Variants in PCDHA11 observed in about 807,000 individuals in gnomAD.
PCDHA11 encodes the protein protocadherin alpha-11.
Under a neutral mutation model 70.3 loss-of-function variants are expected in PCDHA11, and 61 were observed. The ratio of observed to expected loss-of-function variants is 0.87; its 90% CI spans 0.71 to 1.07. The LOEUF (loss-of-function observed/expected upper bound fraction) is 1.07. Ranked by LOEUF, PCDHA11 falls within the 50% of genes least tolerant of loss-of-function variation. The probability of loss-of-function intolerance (pLI) is 0.00; values close to 1 mark genes in which losing one functional copy is unlikely to be tolerated. For synonymous variants in PCDHA11, 633 were observed against 555.1 expected (o/e 1.14, Z -1.97); for missense variants, 1,324 against 1,237.5 (o/e 1.07, Z -1.05).
chr5:140,914,318 T>C (rs2076678777), intron 1 of PCDHA11, among the ~76,000 whole-genome samples: 6 of 152,216 alleles, frequency 3.9e-5, no homozygotes, highest in Admixed American at 3.9e-4. Flanking sequence ...CCCATTATCA[T>C]TGTACAAAGA....
intron 3 of PCDHA11, among the ~76,000 whole-genome samples, chr5:141,007,379 C>G (rs1178671835): frequency 7.1e-6 from 1 of 139,926 alleles, no homozygotes; most frequent in Non-Finnish European, 1.5e-5. Flanking sequence ...GATGGAACAC[C>G]ATCTCTACTA....
chr5:140,884,440 G>C (rs1554181563), intron 1 of PCDHA11: 5 of 1,613,830 alleles, frequency 3.1e-6, no homozygotes, highest in Non-Finnish European at 2.5e-6. Context: ...TGCGGTGCTC[G>C]GCACCGCCCA....
chr5:140,904,265 T>C (rs2070995327), intron 1 of PCDHA11, among the ~76,000 whole-genome samples: 1 of 152,118 alleles, frequency 6.6e-6, no homozygotes, highest in Non-Finnish European at 1.5e-5. Context: ...CTCCCACTTA[T>C]GAATGAGAAC....
chr5:140,876,079 G>C, intron 1 of PCDHA11: 1 of 1,613,940 alleles, frequency 6.2e-7, no homozygotes, highest in Non-Finnish European at 8.5e-7. Flanking sequence ...ATTGGACAGA[G>C]AGCAAACGCC....
At chr5:140,912,511 T>C (rs2075947919) in intron 1 of PCDHA11, among the ~76,000 whole-genome samples, 1 of 152,158 alleles carries the variant, frequency 6.6e-6, no homozygotes, top group Non-Finnish European at 1.5e-5. Context: ...TGGATGAATC[T>C]TTAGGGTTTT....
At chr5:140,960,112 T>C (rs145534809) in intron 1 of PCDHA11, among the ~76,000 whole-genome samples, 45 of 152,352 alleles carry the variant, frequency 3.0e-4, no homozygotes, top group Non-Finnish European at 4.3e-4. Flanking sequence ...GTGGGAACAA[T>C]AGTATTCCTT....
At chr5:140,928,240 C>G (rs1174659124) in intron 1 of PCDHA11, 1 of 1,614,108 alleles carries the variant, frequency 6.2e-7, no homozygotes, top group Non-Finnish European at 8.5e-7. Flanking sequence ...TCAACCCCAG[C>G]AGGAACTTTT....
chr5:140,954,271 A>G (rs1284942355), intron 1 of PCDHA11, among the ~76,000 whole-genome samples: 2 of 152,140 alleles, frequency 1.3e-5, no homozygotes, highest in South Asian at 2.1e-4. Context: ...TTATAATAGG[A>G]TGATTTATAT....
intron 1 of PCDHA11, among the ~76,000 whole-genome samples, chr5:140,951,752 G>A (rs246039): frequency 0.51 from 77,303 of 151,800 alleles, 20,616 homozygotes; most frequent in African/African-American, 0.68. Context: ...CTCACCCTCC[G>A]CGAAATCTCA....
At chr5:140,906,872 C>T (rs1421521976) in intron 1 of PCDHA11, among the ~76,000 whole-genome samples, 4 of 152,230 alleles carry the variant, frequency 2.6e-5, no homozygotes, top group African/African-American at 9.6e-5. Flanking sequence ...CCAGCCAACA[C>T]TGTAACTTCC....
intron 3 of PCDHA11, among the ~76,000 whole-genome samples, chr5:140,995,128 C>T (rs2097665772): frequency 6.6e-6 from 1 of 152,146 alleles, no homozygotes; most frequent in African/African-American, 2.4e-5. Context: ...ATGCCTGAAA[C>T]CTCATTTAGT....
chr5:141,001,693 G>A (rs1554258280), intron 3 of PCDHA11, among the ~76,000 whole-genome samples: 1 of 152,122 alleles, frequency 6.6e-6, no homozygotes, highest in Admixed American at 6.5e-5. Context: ...CCCACAGATG[G>A]CGAAATAGGG....
intron 3 of PCDHA11, among the ~76,000 whole-genome samples, chr5:140,994,564 G>A (rs1554254259): frequency 6.6e-6 from 1 of 152,070 alleles, no homozygotes; most frequent in Non-Finnish European, 1.5e-5. Flanking sequence ...AATTAGCCGG[G>A]TGTGGTGGCA....
chr5:140,965,748 C>T (rs1010303564), intron 1 of PCDHA11, among the ~76,000 whole-genome samples: 1 of 152,174 alleles, frequency 6.6e-6, no homozygotes, highest in Non-Finnish European at 1.5e-5. Flanking sequence ...TCCCCATTGT[C>T]GCCAAAATGG....
intron 1 of PCDHA11, among the ~76,000 whole-genome samples, chr5:140,949,692 T>A (rs1563239592): frequency 6.6e-6 from 1 of 151,854 alleles, no homozygotes; most frequent in Non-Finnish European, 1.5e-5. Flanking sequence ...AGCGTATTGT[T>A]GGATCTTGCT....
In PCDHA11 at chr5:141,009,929, G is replaced by A; in HGVS notation, c.2842G>A (p.Asp948Asn). The A allele has an allele frequency of 1.2e-6, 2 of 1,603,732 alleles. No individual in the cohort carries two copies. Among genetic ancestry groups the A allele is most frequent in the Non-Finnish European group, 1.7e-6 (2 of 1,176,576 alleles). Residue 948 changes from aspartate to asparagine, a missense_variant, in exon 4 of 4, where the codon GAC (aspartate) becomes AAC (asparagine). Transcript: ENST00000398640. ...AGGGAACAGCACGACTGACAACAGT[G>A]ACCAGTGAGGTCCTCAAATGGAAAC... is the stretch of plus-strand genomic sequence containing the variant. ...EKGNSTTDNSDQ is the reference protein window; with the variant it reads ...EKGNSTTDNSNQ
At chr5:140,968,598 A>G in intron 1 of PCDHA11, 2 of 1,614,102 alleles carry the variant, frequency 1.2e-6, no homozygotes, top group Non-Finnish European at 1.7e-6. Flanking sequence ...ATAGCTATGG[A>G]CTCAGACTCT....
At chr5:140,904,199 C>A (rs2070936424) in intron 1 of PCDHA11, among the ~76,000 whole-genome samples, 1 of 151,944 alleles carries the variant, frequency 6.6e-6, no homozygotes, top group Non-Finnish European at 1.5e-5. Flanking sequence ...CCCTTTCCCC[C>A]TAAGTCCCCA....
At chr5:140,875,837 A>T in intron 1 of PCDHA11, 1 of 1,614,140 alleles carries the variant, frequency 6.2e-7, no homozygotes, top group Non-Finnish European at 8.5e-7. Context: ...GTGGACGTGG[A>T]GGTGAAGGAC....
Sources: allele counts gnomAD v4.1 joint callset (sites outside exome capture counted in the v4.1 genomes callset), GRCh38; gene constraint gnomAD v4.1.1; transcripts MANE v1.5; gene names NCBI Gene and HGNC (gene_info 2026-07-23, HGNC 2026-07-21).